MMP24: variants seen among roughly 807,000 people sequenced by gnomAD.
The protein encoded by MMP24 is matrix metallopeptidase 24.
MMP24 carries 25 observed loss-of-function variants against 62.8 expected under a neutral mutation model. That is an observed-to-expected ratio of 0.40 (90% CI 0.29 to 0.56). The LOEUF (loss-of-function observed/expected upper bound fraction) is 0.56, where lower values mean the gene tolerates loss of function less well. Ranked by LOEUF, MMP24 falls within the 20% of genes least tolerant of loss-of-function variation. The pLI, the probability that MMP24 is intolerant of heterozygous loss-of-function variation, is 0.50. For missense variants in MMP24, 634 were observed against 853.6 expected, an observed-to-expected ratio of 0.74 and a Z score of 3.21; for synonymous variants, 319 against 350.5, an observed-to-expected ratio of 0.91 and a Z score of 1.00.
intron 1 of MMP24, among the ~76,000 whole-genome samples, chr20:35,231,912 C>G (rs1174893211): frequency 6.6e-6 from 1 of 152,116 alleles, no homozygotes; most frequent in East Asian, 1.9e-4. Flanking sequence ...ATTAGCTGAG[C>G]CTGGTGGTGC....
chr20:35,245,499 A>G (rs1254162144), intron 1 of MMP24, among the ~76,000 whole-genome samples: 1 of 150,446 alleles, frequency 6.6e-6, no homozygotes, highest in East Asian at 1.9e-4. Flanking sequence ...CCCAGGCTGG[A>G]GGGCAGTTGT....
Position 35,263,820 on chromosome 20 carries a change from G to A in MMP24, c.847G>A (p.Glu283Lys). The A allele has an allele frequency of 1.9e-6, 3 of 1,596,862 alleles. No individual in the cohort carries two copies. The highest frequency in any genetic ancestry group is 2.6e-6 in the Non-Finnish European group (3 of 1,171,556). The change falls in exon 5 of 9, where the codon GAG (glutamate) becomes AAG (lysine). Residue 283 changes from glutamate (E) to lysine (K), a missense_variant. Glu to Lys is a moderately conservative substitution (Grantham distance 56, BLOSUM62 1). Transcript: ENST00000246186. Reference sequence around the variant, plus strand: ...CGACCTCTTCCTGGTGGCTGTGCATGAGCTGGGCCACGCGCTGGGACTGGA... The same window carrying A: ...CGACCTCTTCCTGGTGGCTGTGCATAAGCTGGGCCACGCGCTGGGACTGGA... ...GNDLFLVAVH[E>K]LGHALGLEHS... is the part of the protein sequence containing the mutation.
Position 35,275,065 on chromosome 20 carries a change from A to G in MMP24, c.*456A>G, listed in dbSNP as rs956492256. On this transcript the variant is annotated 3_prime_UTR_variant, in exon 9 of 9. Transcript: ENST00000246186. ...CCTTTTGCCAACACCTGCTGGTCAG[A>G]TGTCCCCCTACCCCCACCCCACTGT... 5.9e-6 allele frequency: 1 copy of G among 169,026 alleles called. No individual in the cohort carries two copies. The highest frequency in any genetic ancestry group is 5.4e-5 in the Admixed American group (1 of 18,558). The allele number at this position is 169,026 out of a possible 1,614,324, so 10.5% of individuals were successfully genotyped here.
chr20:35,275,929 C>T lies in MMP24; in HGVS notation c.*1320C>T, dbSNP rs2060702376. ...CTGTCTCCAGCAGGAGTTCCTAGGG[C>T]TTGGCCTGCCTTGCTCCACAGTACG... On this transcript the variant is annotated 3_prime_UTR_variant, in exon 9 of 9. Transcript: ENST00000246186. The T allele has an allele frequency of 2.5e-6, 1 of 398,336 alleles. No homozygotes were observed. Among genetic ancestry groups the T allele is most frequent in the Non-Finnish European group, 4.4e-6 (1 of 226,114 alleles). 24.7% of individuals were successfully genotyped at this position (398,336 alleles called of 1,614,324 possible).
At chr20:35,233,994 C>T (rs545473815) in intron 1 of MMP24, among the ~76,000 whole-genome samples, 1 of 152,232 alleles carries the variant, frequency 6.6e-6, no homozygotes, top group Non-Finnish European at 1.5e-5. Flanking sequence ...AAAACAAAAA[C>T]AAAAACATGC....
At chr20:35,256,254 A>G (rs369189590) in intron 4 of MMP24, 1 of 152,362 alleles carries the variant, frequency 6.6e-6, no homozygotes, top group Middle Eastern at 3.4e-3. Flanking sequence ...AAACTGAGAT[A>G]TAGAGAAACA....
rs1327031309 is a variant in MMP24 at position 35,263,972 on chromosome 20, G to C, written c.979+20G>C. 6.3e-7 allele frequency: 1 copy of C among 1,581,568 alleles called. No homozygotes were observed. On this transcript the variant is annotated intron_variant, in intron 5 of 8. Coordinates refer to ENST00000246186, the MANE Select transcript of MMP24 (RefSeq NM_006690.4). ...TCTATGGTGTGTGGCAGGGAGAGGG[G>C]GGACTGCTCCTTCCTCGGGGCTGGG...
In MMP24 at chr20:35,226,825, GCGGGTC is replaced by G; in HGVS notation, c.89_94del (p.Arg30_Val31del). The G allele has an allele frequency of 1.1e-6, 1 of 899,840 alleles. No individual in the cohort carries two copies. Among genetic ancestry groups the G allele is most frequent in the South Asian group, 5.1e-5 (1 of 19,572 alleles). The allele number at this position is 899,840 out of a possible 1,614,324, so 55.7% of individuals were successfully genotyped here. On this transcript the variant is annotated inframe_deletion, in exon 1 of 9. Coordinates refer to ENST00000246186, the MANE Select transcript of MMP24 (RefSeq NM_006690.4). Reference sequence around the variant, plus strand: ...GCCAGGCCCCGCGCTGGAGCCGCTGGCGGGTCCCTGGGCGGCTGCTGCTGCTGCTGC... The same window carrying G: ...GCCAGGCCCCGCGCTGGAGCCGCTGGCCTGGGCGGCTGCTGCTGCTGCTGC...
At chr20:35,261,579 G>T (rs1568618059) in intron 4 of MMP24, among the ~76,000 whole-genome samples, 1 of 152,248 alleles carries the variant, frequency 6.6e-6, no homozygotes, top group East Asian at 1.9e-4. Flanking sequence ...TCAGGATCCT[G>T]TGTCCCACTT....
At chr20:35,267,130 C>G (rs2060639623) in intron 5 of MMP24, 75 bp from the exon 6 acceptor site, 1 of 1,271,424 alleles carries the variant, frequency 7.9e-7, no homozygotes, top group South Asian at 1.4e-5. Context: ...TCAGAGCTGC[C>G]TGGGTGATGC....
chr20:35,274,603 G>T lies in MMP24; in HGVS notation c.1932G>T (p.Trp644Cys). 1 of 1,607,432 alleles carries T rather than the reference G, an allele frequency of 6.2e-7. No homozygotes were observed. Among genetic ancestry groups the T allele is most frequent in the Non-Finnish European group, 8.5e-7 (1 of 1,176,622 alleles). Residue 644 changes from tryptophan (W) to cysteine (C), a missense_variant, in exon 9 of 9, where the codon TGG (tryptophan) becomes TGT (cysteine). Trp to Cys is a radical substitution (Grantham distance 215). This residue lies in a region of MMP24 where 399 missense variants were observed against 530.8 expected (regional missense o/e 0.75). Coordinates refer to ENST00000246186, the MANE Select transcript of MMP24 (RefSeq NM_006690.4). The surrounding 1 kb of genome is among the most constrained non-coding windows in gnomAD (Gnocchi z 5.1). Reference protein sequence around the residue: ...VTYYKRPVQEWV With the variant: ...VTYYKRPVQECV Reference sequence around the variant, plus strand: ...ACTATAAGCGGCCAGTCCAGGAATGGGTGTGAGCAGCCCAGAGCCCTCTCT... The same window carrying T: ...ACTATAAGCGGCCAGTCCAGGAATGTGTGTGAGCAGCCCAGAGCCCTCTCT...
Position 35,276,637 on chromosome 20 carries a change from C to G in MMP24, c.*2028C>G, listed in dbSNP as rs542089549. On this transcript the variant is annotated 3_prime_UTR_variant, in exon 9 of 9. Transcript: ENST00000246186. ...TCCACTCCTCAGGTTGGTGCTCTCA[C>G]TTCTTGAAAGCTCTAGGCACCCCCG... 1 of 208,694 alleles carries G rather than the reference C, an allele frequency of 4.8e-6. No individual in the cohort carries two copies. Among genetic ancestry groups the G allele is most frequent in the Admixed American group, 5.9e-5 (1 of 16,830 alleles). The allele number at this position is 208,694 out of a possible 1,614,324, so 12.9% of individuals were successfully genotyped here.
Position 35,276,396 on chromosome 20 carries a change from C to A in MMP24, c.*1787C>A, listed in dbSNP as rs73903036. ...CTTTATTAGCTCACACCTGTCCACT[C>A]ACATGAAACTCGTGTTAGGCCCTGG... On this transcript the variant is annotated 3_prime_UTR_variant, in exon 9 of 9. Transcript: ENST00000246186. The A allele has an allele frequency of 6.3e-3, 2,512 of 398,400 alleles. 56 individuals are homozygous for A. The highest frequency in any genetic ancestry group is 0.045 in the African/African-American group (2,204 of 48,762). The allele number at this position is 398,400 out of a possible 1,614,324, so 24.7% of individuals were successfully genotyped here.
chr20:35,270,809 G>A (rs1373797518), intron 7 of MMP24, among the ~76,000 whole-genome samples: 1 of 152,228 alleles, frequency 6.6e-6, no homozygotes, highest in Non-Finnish European at 1.5e-5. Flanking sequence ...GGAGGCCAAG[G>A]CTGGCAGATC....
At chr20:35,261,215 A>G (rs1375989798) in intron 4 of MMP24, among the ~76,000 whole-genome samples, 1 of 152,164 alleles carries the variant, frequency 6.6e-6, no homozygotes, top group Non-Finnish European at 1.5e-5. Flanking sequence ...TCCTAGGCAC[A>G]ATACAGAAGC....
In MMP24 at chr20:35,257,401, G is replaced by A. The variant is rs76326353; in HGVS notation, c.817+2647G>A. Among the ~76,000 whole-genome samples, 970 of 152,276 alleles carry A rather than the reference G, an allele frequency of 6.4e-3. 21 individuals are homozygous for A. Among genetic ancestry groups the A allele is most frequent in the African/African-American group, 0.021 (883 of 41,542 alleles). On this transcript the variant is annotated intron_variant, in intron 4 of 8. Coordinates refer to ENST00000246186, the MANE Select transcript of MMP24 (RefSeq NM_006690.4). ...TATTTTTGGATCGGTGTCAACGAAT[G>A]GCTGTCTGTGCTAACAGATAAGATG...
chr20:35,262,215 T>C (rs896635535), intron 4 of MMP24, among the ~76,000 whole-genome samples: 3 of 152,072 alleles, frequency 2.0e-5, no homozygotes, highest in Admixed American at 6.6e-5. Context: ...AGACAAAGTA[T>C]AGAGAAAGAA....
At chr20:35,243,123 G>T (rs573583617) in intron 1 of MMP24, among the ~76,000 whole-genome samples, 1 of 150,754 alleles carries the variant, frequency 6.6e-6, no homozygotes, top group East Asian at 2.0e-4. Context: ...AGGTTGCAGT[G>T]AGCCGAGATC....
At chr20:35,255,561 C>T (rs897670276) in intron 4 of MMP24, among the ~76,000 whole-genome samples, 19 of 152,146 alleles carry the variant, frequency 1.2e-4, no homozygotes, top group African/African-American at 4.6e-4. Flanking sequence ...AGAGTCAATA[C>T]CGTGCAGCAA....
Sources: gnomAD v4.1 joint callset for allele counts (sites outside exome capture counted in the v4.1 genomes callset) on GRCh38, gnomAD v4.1.1 for gene constraint, gnomAD v4.1.1 regional missense constraint, Gnocchi (gnomAD v3.1) non-coding constraint, MANE v1.5 for transcripts, NCBI Gene and HGNC (gene_info 2026-07-23, HGNC 2026-07-21) for gene names.